Variants in PDE3A observed in about 807,000 individuals in gnomAD.
PDE3A encodes the protein phosphodiesterase 3A.
A neutral mutation model predicts 98.3 loss-of-function variants in PDE3A; 43 were observed. That is an observed-to-expected ratio of 0.44 (90% CI 0.34 to 0.56). The LOEUF (loss-of-function observed/expected upper bound fraction) is 0.56, where lower values mean the gene tolerates loss of function less well. Among genes scored for constraint, PDE3A ranks in the 20% least tolerant of loss-of-function variants. The pLI is 0.01. For missense variants in PDE3A, 1,427 were observed against 1,440.7 expected (o/e 0.99, Z 0.15); for synonymous variants, 663 against 567.9 (o/e 1.17, Z -2.38).
At chr12:20,553,795 G>A (rs1308070193) in intron 1 of PDE3A, among the ~76,000 whole-genome samples, 1 of 152,148 alleles carries the variant, frequency 6.6e-6, no homozygotes, top group Non-Finnish European at 1.5e-5. Context: ...CCTTTGATTC[G>A]TTCCTTCTTT....
rs71039941 is a variant in PDE3A, at chr12:20,415,401, C to CTTATTTATTTAT, written c.960+45166_960+45177dup. Among the ~76,000 whole-genome samples, 539 of 148,988 alleles carry CTTATTTATTTAT rather than the reference C, an allele frequency of 3.6e-3. 7 individuals are homozygous for CTTATTTATTTAT. In the East Asian group the frequency reaches 0.036, roughly 10 times the overall value. ...TAAGCCGTTGGCCTCCTTTTATCTA[C>CTTATTTATTTAT]TTATTTATTTATTTATTTATATTTT... is the stretch of plus-strand genomic sequence containing the variant. On this transcript the variant is annotated intron_variant, in intron 1 of 15. Transcript: ENST00000359062.
intron 6 of PDE3A, among the ~76,000 whole-genome samples, chr12:20,630,740 C>T (rs138959100): frequency 1.3e-5 from 2 of 152,180 alleles, no homozygotes; most frequent in East Asian, 1.9e-4. Context: ...AATGTTGTCA[C>T]GAAGAAATAA....
At chr12:20,625,541 A>T (rs1024420115) in intron 5 of PDE3A, among the ~76,000 whole-genome samples, 1 of 152,194 alleles carries the variant, frequency 6.6e-6, no homozygotes, top group Non-Finnish European at 1.5e-5. Context: ...TCTGCTTTGG[A>T]AAAAATATTC....
chr12:20,497,529 TAA>T (rs368630383), intron 1 of PDE3A, among the ~76,000 whole-genome samples: 1 of 139,696 alleles, frequency 7.2e-6, no homozygotes, highest in Non-Finnish European at 1.6e-5. Context: ...AATTGTGCCC[TAA>T]AAAAAAAAAC....
At chr12:20,667,180 C>T (rs573426597) in intron 15 of PDE3A, among the ~76,000 whole-genome samples, 1 of 151,934 alleles carries the variant, frequency 6.6e-6, no homozygotes, top group Non-Finnish European at 1.5e-5. Context: ...GATATTAGTT[C>T]CTTGTTGTAT....
chr12:20,611,932 G>C (rs918327302), intron 2 of PDE3A, among the ~76,000 whole-genome samples: 2 of 151,098 alleles, frequency 1.3e-5, no homozygotes, highest in Admixed American at 1.3e-4. Context: ...TATGTATCTC[G>C]GTTGTCGTTG....
intron 2 of PDE3A, among the ~76,000 whole-genome samples, chr12:20,561,798 G>T (rs377542631): frequency 1.4e-4 from 21 of 152,038 alleles, no homozygotes; most frequent in Middle Eastern, 3.2e-3. Context: ...TCAAATACTT[G>T]TCCTATAGAA....
chr12:20,462,468 T>C (rs1945267302), intron 1 of PDE3A, among the ~76,000 whole-genome samples: 1 of 152,104 alleles, frequency 6.6e-6, no homozygotes, highest in Non-Finnish European at 1.5e-5. Flanking sequence ...TCCAGCCTGG[T>C]CAACGAGCAA....
intron 1 of PDE3A, among the ~76,000 whole-genome samples, chr12:20,490,263 G>T (rs1292745184): frequency 6.6e-6 from 1 of 152,078 alleles, no homozygotes; most frequent in Non-Finnish European, 1.5e-5. Context: ...ATTAGTTCTT[G>T]GTTGCCATTT....
Position 20,613,481 on chromosome 12 carries a change from G to T in PDE3A, c.1050G>T (p.Met350Ile), listed in dbSNP as rs374182164. The T allele has an allele frequency of 1.2e-6, 2 of 1,613,660 alleles. No individual in the cohort carries two copies. The highest frequency in any genetic ancestry group is 1.7e-6 in the Non-Finnish European group (2 of 1,179,640). ...GTSITVDIAV[M>I]GEAHGLITDL... ...GTATTACTGTGGACATCGCCGTCAT[G>T]GGCGAGGCCCACGGCCTCATTACCG... The change falls in exon 3 of 16, where the codon ATG becomes ATT. Residue 350 changes from methionine (M) to isoleucine (I), a missense_variant. Around this residue, in one of 3 missense-constraint regions of PDE3A, gnomAD observed 1,012 missense variants for 886.5 expected, o/e 1.14. Coordinates refer to ENST00000359062, the MANE Select transcript of PDE3A (RefSeq NM_000921.5).
At chr12:20,507,415 C>T (rs552838317) in intron 1 of PDE3A, among the ~76,000 whole-genome samples, 1 of 152,150 alleles carries the variant, frequency 6.6e-6, no homozygotes, top group African/African-American at 2.4e-5. Context: ...TTGTGTATGG[C>T]ATATGTTAAT....
intron 1 of PDE3A, among the ~76,000 whole-genome samples, chr12:20,398,341 T>C (rs542046270): frequency 6.6e-6 from 1 of 150,696 alleles, no homozygotes; most frequent in Admixed American, 6.6e-5. Context: ...GTAATAGCGA[T>C]AAATTTTTAT....
intron 15 of PDE3A, among the ~76,000 whole-genome samples, chr12:20,655,797 T>C (rs1246770085): frequency 6.6e-6 from 1 of 152,084 alleles, no homozygotes; most frequent in African/African-American, 2.4e-5. Context: ...GAGAATATGC[T>C]TGGGGTTGAG....
chr12:20,542,480 T>TTTAA (rs1941944242), intron 1 of PDE3A, among the ~76,000 whole-genome samples: 1 of 150,646 alleles, frequency 6.6e-6, no homozygotes, highest in Non-Finnish European at 1.5e-5. Flanking sequence ...CACATACACT[T>TTTAA]TTAATTTTCT....
intron 1 of PDE3A, among the ~76,000 whole-genome samples, chr12:20,382,092 A>C (rs1943673387): frequency 6.6e-6 from 1 of 151,874 alleles, no homozygotes; most frequent in Non-Finnish European, 1.5e-5. Context: ...CTCAAAATTT[A>C]GTGTGAATAA....
intron 1 of PDE3A, among the ~76,000 whole-genome samples, chr12:20,414,167 T>A (rs1220829189): frequency 1.3e-5 from 2 of 152,200 alleles, no homozygotes; most frequent in African/African-American, 4.8e-5. Flanking sequence ...ATACGTATAT[T>A]TGATTATATG....
Position 20,588,696 on chromosome 12 carries a change from T to C in PDE3A, c.1012-24747T>C, listed in dbSNP as rs1419751743. On this transcript the variant is annotated intron_variant, in intron 2 of 15. Transcript: ENST00000359062. ...CTGCCTTGTCAGCCCCTCCTCAATA[T>C]GGGGGAAAAGTGGACCTTTCCGATA... Among the ~76,000 whole-genome samples, 10 of 152,156 alleles carry C rather than the reference T, an allele frequency of 6.6e-5. No individual in the cohort carries two copies. The East Asian group carries it at 1.8e-3, about 27-fold the overall frequency.
chr12:20,614,994 T>G (rs1426636477), intron 3 of PDE3A, among the ~76,000 whole-genome samples: 1 of 28,934 alleles, frequency 3.5e-5, no homozygotes, highest in Non-Finnish European at 8.0e-5. Flanking sequence ...TTTCTTTTCT[T>G]TTTTTCTTTC....
chr12:20,533,575 G>A (rs987571242), intron 1 of PDE3A, among the ~76,000 whole-genome samples: 4 of 150,024 alleles, frequency 2.7e-5, no homozygotes, highest in East Asian at 2.0e-4. Flanking sequence ...TCCGCCTCCC[G>A]GGTTCCCGCC....
Sources: allele counts gnomAD v4.1 joint callset (sites outside exome capture counted in the v4.1 genomes callset), GRCh38; gene constraint gnomAD v4.1.1; regional missense constraint gnomAD v4.1.1; transcripts MANE v1.5; gene names NCBI Gene and HGNC (gene_info 2026-07-23, HGNC 2026-07-21).